The following ERAP1 variants were observed in gnomAD, a reference collection of about 807,000 sequenced individuals.
ERAP1 encodes the protein endoplasmic reticulum aminopeptidase 1, also known as adipocyte-derived leucine aminopeptidase.
In ERAP1, 86 loss-of-function variants were observed where a neutral mutation model predicts 103.7. The ratio of observed to expected loss-of-function variants is 0.83; its 90% CI spans 0.70 to 0.99. The LOEUF is 0.99. Among genes scored for constraint, ERAP1 ranks in the 50% least tolerant of loss-of-function variants. ERAP1 has a pLI of 0.00. For synonymous variants in ERAP1, 398 were observed against 402.4 expected, an observed-to-expected ratio of 0.99 and a Z score of 0.13; for missense variants, 1,009 against 1,128.4, an observed-to-expected ratio of 0.89 and a Z score of 1.52.
the ERAP1 span, among the ~76,000 whole-genome samples, chr5:96,898,019 A>G: frequency 6.6e-6 from 1 of 152,184 alleles, no homozygotes; most frequent in East Asian, 1.9e-4. Flanking sequence ...CAATTCGTGG[A>G]ACCCCGTCTG....
chr5:96,784,408 C>T (rs987924386), intron 13 of ERAP1, among the ~76,000 whole-genome samples: 8 of 152,150 alleles, frequency 5.3e-5, no homozygotes. Context: ...ATCACTTGAA[C>T]CCGGGAGGCA....
At chr5:96,913,186 A>G in the ERAP1 span, 1 of 683,166 alleles carries the variant, frequency 1.5e-6, no homozygotes, top group Non-Finnish European at 2.4e-6. Context: ...TAATTGAAAC[A>G]TTAAAAAATT....
the ERAP1 span, among the ~76,000 whole-genome samples, chr5:96,815,414 AT>A: frequency 9.3e-4 from 132 of 141,266 alleles, no homozygotes; most frequent in African/African-American, 2.2e-3. Flanking sequence ...TTTGTTTTTT[AT>A]TTTTTTTTTT....
Position 96,783,983 on chromosome 5 carries a change from T to G in ERAP1, c.2041A>C (p.Ile681Leu). ...MPVFQGLNEL[I>L]PMYKLMEKRD... is the part of the protein sequence containing the mutation. Reference sequence around the variant, plus strand: ...TTCTCCATTAACTTATACATAGGAATCAGCTCATTCAAACCTTGAAACACG... The same window carrying G: ...TTCTCCATTAACTTATACATAGGAAGCAGCTCATTCAAACCTTGAAACACG... The change falls in exon 14 of 19, where the codon ATT becomes CTT. Residue 681 changes from isoleucine to leucine, a missense_variant. This residue lies in a region of ERAP1 where 611 missense variants were observed against 651.7 expected (regional missense o/e 0.94). Coordinates refer to ENST00000443439, the MANE Select transcript of ERAP1 (RefSeq NM_001040458.3). 3 of 1,614,026 alleles carry G rather than the reference T, an allele frequency of 1.9e-6. No homozygotes were observed. Among genetic ancestry groups the G allele is most frequent in the Non-Finnish European group, 2.5e-6 (3 of 1,179,950 alleles).
chr5:96,812,296 T>C (rs1183617346), upstream of ERAP1, among the ~76,000 whole-genome samples: 2 of 152,256 alleles, frequency 1.3e-5, no homozygotes, highest in Admixed American at 6.5e-5. Flanking sequence ...CAAATGTGTC[T>C]GGATAAATCA....
At chr5:96,792,717 T>C (rs1188873463) in intron 7 of ERAP1, among the ~76,000 whole-genome samples, 1 of 144,610 alleles carries the variant, frequency 6.9e-6, no homozygotes, top group East Asian at 2.1e-4. Flanking sequence ...GCAATATTGA[T>C]GTGTACTTTC....
chr5:96,882,321 G>T, the ERAP1 span, among the ~76,000 whole-genome samples: 1 of 152,296 alleles, frequency 6.6e-6, no homozygotes, highest in Non-Finnish European at 1.5e-5. Context: ...GATGAGAGGG[G>T]GAGATATTTG....
At chr5:96,913,375 C>T in the ERAP1 span, 1 of 1,614,058 alleles carries the variant, frequency 6.2e-7, no homozygotes, top group Non-Finnish European at 8.5e-7. Flanking sequence ...GGCAGCTCTC[C>T]TTCATGCGAT....
the ERAP1 span, among the ~76,000 whole-genome samples, chr5:96,845,287 T>A: frequency 1.3e-5 from 2 of 152,018 alleles, no homozygotes; most frequent in African/African-American, 4.8e-5. Flanking sequence ...CAGGCTGGAG[T>A]GCAGTGGCAC....
At chr5:96,895,268 T>C in the ERAP1 span, 1 of 1,611,970 alleles carries the variant, frequency 6.2e-7, no homozygotes, top group Non-Finnish European at 8.5e-7. Context: ...CTGGTCACAA[T>C]GGAATGGTGG....
the ERAP1 span, among the ~76,000 whole-genome samples, chr5:96,852,590 A>G: frequency 6.6e-6 from 1 of 152,226 alleles, no homozygotes; most frequent in Non-Finnish European, 1.5e-5. Flanking sequence ...TTTAACAATA[A>G]CAAAAATGGT....
intron 13 of ERAP1, 101 bp from the exon 14 acceptor site, chr5:96,784,181 G>T: frequency 4.0e-6 from 5 of 1,255,744 alleles, no homozygotes; most frequent in Non-Finnish European, 5.8e-6. Flanking sequence ...CAAGCAATCA[G>T]ATATAAATGT....
At chr5:96,837,405 C>A in the ERAP1 span, among the ~76,000 whole-genome samples, 17 of 152,308 alleles carry the variant, frequency 1.1e-4, no homozygotes, top group African/African-American at 4.1e-4. Context: ...GAAATTTCCC[C>A]GACCCCTTCG....
chr5:96,890,659 G>A, the ERAP1 span, among the ~76,000 whole-genome samples: 1 of 152,024 alleles, frequency 6.6e-6, no homozygotes, highest in African/African-American at 2.4e-5. Context: ...CAACTCCAAT[G>A]CATTTTCCTT....
chr5:96,797,912 C>T (rs1290395369), intron 3 of ERAP1, among the ~76,000 whole-genome samples: 1 of 152,128 alleles, frequency 6.6e-6, no homozygotes, highest in Non-Finnish European at 1.5e-5. Flanking sequence ...ATCCACTTTT[C>T]CTTAAATACA....
the ERAP1 span, among the ~76,000 whole-genome samples, chr5:96,925,612 A>G: frequency 0.07 from 10,709 of 152,290 alleles, 452 homozygotes; most frequent in Middle Eastern, 0.15. Flanking sequence ...AATTTCGGGG[A>G]ACAATGCCCA....
chr5:96,793,650 A>G, intron 6 of ERAP1, 137 bp from the exon 7 acceptor site: 1 of 1,073,608 alleles, frequency 9.3e-7, no homozygotes, highest in Non-Finnish European at 1.4e-6. Flanking sequence ...AAAGTTCAAC[A>G]TGCATTATAA....
chr5:96,763,205 C>T (rs145468356), exon 20 of ERAP1: 1 of 780,746 alleles, frequency 1.3e-6, no homozygotes, highest in African/African-American at 1.7e-5. Context: ...GATTTTCATC[C>T]TGTTGCGTCA....
chr5:96,765,319 A>G, intron 19 of ERAP1: 1 of 1,328,468 alleles, frequency 7.5e-7, no homozygotes, highest in Non-Finnish European at 1.0e-6. Context: ...TGGAAGATAA[A>G]GTAAAGGTAA....
Sources: allele counts gnomAD v4.1 joint callset (sites outside exome capture counted in the v4.1 genomes callset), GRCh38; gene constraint gnomAD v4.1.1; regional missense constraint gnomAD v4.1.1; transcripts MANE v1.5; gene names NCBI Gene and HGNC (gene_info 2026-07-23, HGNC 2026-07-21).